Variants in CHD6 observed in about 807,000 individuals in gnomAD.
The protein encoded by CHD6 is ATP-dependent chromatin remodeler CHD6.
In CHD6, 50 loss-of-function variants were observed where a neutral mutation model predicts 276.9. That is an observed-to-expected ratio of 0.18 (90% CI 0.14 to 0.23). The LOEUF (loss-of-function observed/expected upper bound fraction) is 0.23. Ranked by LOEUF, CHD6 falls within the 10% of genes least tolerant of loss-of-function variation. CHD6 has a pLI of 1.00. For missense variants in CHD6, 2,564 were observed against 3,365.8 expected (o/e 0.76, Z 5.89); for synonymous variants, 1,173 against 1,229.3 (o/e 0.95, Z 0.96).
intron 17 of CHD6, among the ~76,000 whole-genome samples, chr20:41,465,747 T>A (rs1240059879): frequency 1.3e-5 from 2 of 152,204 alleles, no homozygotes; most frequent in East Asian, 3.8e-4. Flanking sequence ...TTCTACATAA[T>A]TTTTGCAACT....
Position 41,413,489 on chromosome 20 carries a change from G to A in CHD6, c.6966C>T (p.Ala2322=), listed in dbSNP as rs533835169. The stretch of plus-strand genomic sequence containing the variant: ...CCTCAGGGTGTGTGGTGCTCAAGGT[G>A]GCCTGCCCTGGGTCTTCATGGACTT... ...ILEVHEDPGQ[A]TLSTTHPEGP... Residue 2322 remains alanine, a synonymous_variant, in exon 35 of 37, where the codon GCC becomes GCT. Coordinates refer to ENST00000373233, the MANE Select transcript of CHD6 (RefSeq NM_032221.5). 6.3e-7 allele frequency: 1 copy of A among 1,592,344 alleles called. No individual in the cohort carries two copies. The highest frequency in any genetic ancestry group is 1.1e-5 in the South Asian group (1 of 88,236).
chr20:41,512,967 C>T lies in CHD6; in HGVS notation c.731G>A (p.Arg244His), dbSNP rs2145965421. ...QKRRSGRQVK[R>H]RKYNEDLDFK... ...GTCCAGGTCCTCATTGTATTTTCTG[C>T]GCTTTACTTGCCTTCCCGAGCGTCG... Residue 244 changes from arginine (R) to histidine (H), a missense_variant, in exon 5 of 37, where the codon CGC (arginine) becomes CAC (histidine). Coordinates refer to ENST00000373233, the MANE Select transcript of CHD6 (RefSeq NM_032221.5). 4.3e-6 allele frequency: 7 copies of T among 1,614,060 alleles called. No individual in the cohort carries two copies. Among genetic ancestry groups the T allele is most frequent in the Admixed American group, 1.7e-5 (1 of 60,018 alleles).
In CHD6 at chr20:41,402,188, G is replaced by A. The variant is rs1600769622; in HGVS notation, c.*2405C>T. ...GTCAAGGAAAGTTATGGCCGTGAGT[G>A]ACATGGAATTAGATGAAAAGGCTCA... On this transcript the variant is annotated 3_prime_UTR_variant, in exon 37 of 37. Coordinates refer to ENST00000373233, the MANE Select transcript of CHD6 (RefSeq NM_032221.5). 13 of 214,490 alleles carry A rather than the reference G, an allele frequency of 6.1e-5. No individual in the cohort carries two copies. In the East Asian group the frequency reaches 9.1e-4, roughly 15 times the overall value. The allele number at this position is 214,490 out of a possible 1,614,324, so 13.3% of individuals were successfully genotyped here. A position where few individuals can be genotyped will look rare whatever the true frequency, so the allele number is the denominator to read the frequency against.
intron 3 of CHD6, among the ~76,000 whole-genome samples, chr20:41,521,043 T>C (rs916949237): frequency 3.9e-5 from 6 of 152,174 alleles, no homozygotes; most frequent in Admixed American, 2.6e-4. Flanking sequence ...GAGAGAACAG[T>C]AGCAGGGATA....
chr20:41,439,164 T>C (rs1299783556), intron 26 of CHD6, among the ~76,000 whole-genome samples: 1 of 152,154 alleles, frequency 6.6e-6, no homozygotes, highest in Non-Finnish European at 1.5e-5. Context: ...AAAACCAGCC[T>C]GGCCAACATG....
chr20:41,534,375 C>T (rs894150680), intron 2 of CHD6, among the ~76,000 whole-genome samples: 1 of 152,192 alleles, frequency 6.6e-6, no homozygotes, highest in Non-Finnish European at 1.5e-5. Context: ...CAGACAGTTG[C>T]CCAGGTGGCA....
In CHD6 at chr20:41,405,511, A is replaced by T. The variant is rs575917977; in HGVS notation, c.7252-22T>A. The T allele has an allele frequency of 1.8e-5, 28 of 1,534,750 alleles. 1 individual carries two copies. The South Asian group carries it at 3.4e-4, about 19-fold the overall frequency. On this transcript the variant is annotated intron_variant, in intron 36 of 36. Coordinates refer to ENST00000373233, the MANE Select transcript of CHD6 (RefSeq NM_032221.5). ...ACCCCTGGAAAAACAAAGAAACACA[A>T]AATGCTGAAGGCAACAGGATGGCAG...
At chr20:41,551,267 C>T (rs201618667) in intron 2 of CHD6, 38 bp downstream of exon 2, 1 of 1,380,152 alleles carries the variant, frequency 7.2e-7, no homozygotes, top group Non-Finnish European at 1.0e-6. Context: ...CACCAAGATA[C>T]CCGGATGCAT....
intron 17 of CHD6, among the ~76,000 whole-genome samples, chr20:41,460,902 G>A (rs941379228): frequency 6.6e-6 from 1 of 152,190 alleles, no homozygotes; most frequent in African/African-American, 2.4e-5. Flanking sequence ...AGAAGCCACA[G>A]ACACTCAATG....
At chr20:41,555,493 AGGGGCTCCTCACTTCTCAGAT>A (rs1372177889) in intron 1 of CHD6, among the ~76,000 whole-genome samples, 45 of 149,498 alleles carry the variant, frequency 3.0e-4, no homozygotes, top group Admixed American at 4.6e-4. Flanking sequence ...TGCCGGGCGG[AGGGGCTCCTCACTTCTCAGAT>A]GGGGCTCCTC....
intron 1 of CHD6, among the ~76,000 whole-genome samples, chr20:41,599,215 C>T (rs1362834956): frequency 6.6e-6 from 1 of 152,128 alleles, no homozygotes. Flanking sequence ...AACAGGATAG[C>T]CCTGGACATG....
chr20:41,494,064 G>T, intron 8 of CHD6, 120 bp from the exon 9 acceptor site: 1 of 657,836 alleles, frequency 1.5e-6, no homozygotes, highest in Non-Finnish European at 2.6e-6. Flanking sequence ...AAAAAGAAAG[G>T]GTTTGCTTAA....
In CHD6 at chr20:41,533,842, C is replaced by A. The variant is rs746997594; in HGVS notation, c.34-272G>T. 1.1e-3 allele frequency among the ~76,000 whole-genome samples: 169 copies of A among 152,122 alleles called. 2 individuals carry two copies. Among genetic ancestry groups the A allele is most frequent in the Non-Finnish European group, 1.9e-3 (132 of 68,014 alleles). ...GATTTTAACTAAAAATTGTGCTGTTCTGTATGATCATCTAATCTAGCCACC... is the reference window on the plus strand; with the variant it reads ...GATTTTAACTAAAAATTGTGCTGTTATGTATGATCATCTAATCTAGCCACC... On this transcript the variant is annotated intron_variant, in intron 2 of 36. Coordinates refer to ENST00000373233, the MANE Select transcript of CHD6 (RefSeq NM_032221.5).
chr20:41,417,827 T>C (rs528064745), intron 31 of CHD6, among the ~76,000 whole-genome samples: 1 of 152,298 alleles, frequency 6.6e-6, no homozygotes, highest in South Asian at 2.1e-4. Context: ...ACCTGATTCA[T>C]GTAAAAAAAG....
chr20:41,475,521 TA>T (rs1475515976), intron 16 of CHD6, among the ~76,000 whole-genome samples: 8 of 152,154 alleles, frequency 5.3e-5, no homozygotes, highest in Admixed American at 4.6e-4. Context: ...AAACTATAAC[TA>T]GGTATCAAAA....
chr20:41,601,329 G>A (rs1188477190), intron 1 of CHD6, among the ~76,000 whole-genome samples: 3 of 152,144 alleles, frequency 2.0e-5, no homozygotes, highest in African/African-American at 7.2e-5. Flanking sequence ...CTTGAAACAC[G>A]ACTACTACTG....
At chr20:41,503,169 A>G (rs1030580336) in intron 5 of CHD6, among the ~76,000 whole-genome samples, 2 of 152,088 alleles carry the variant, frequency 1.3e-5, no homozygotes, top group African/African-American at 4.8e-5. Context: ...TATAAATGGG[A>G]TTTAATAATT....
At chr20:41,580,970 G>A (rs568547552) in intron 1 of CHD6, among the ~76,000 whole-genome samples, 1 of 152,236 alleles carries the variant, frequency 6.6e-6, no homozygotes, top group East Asian at 1.9e-4. Context: ...CCTTTCTGCT[G>A]TTAATATTCC....
At chr20:41,409,697 A>T (rs1167449700) in intron 36 of CHD6, among the ~76,000 whole-genome samples, 1 of 152,242 alleles carries the variant, frequency 6.6e-6, no homozygotes, top group Non-Finnish European at 1.5e-5. Context: ...TTTTGAGATA[A>T]CTGGTGGAAT....
Sources: allele counts gnomAD v4.1 joint callset (sites outside exome capture counted in the v4.1 genomes callset), GRCh38; gene constraint gnomAD v4.1.1; transcripts MANE v1.5; gene names NCBI Gene and HGNC (gene_info 2026-07-23, HGNC 2026-07-21).